Variants in PAX9 observed in about 807,000 individuals in gnomAD.
PAX9 encodes the protein paired box protein Pax-9.
PAX9 carries 6 observed loss-of-function variants against 29.1 expected under a neutral mutation model. The observed-to-expected ratio is 0.21, with a 90% confidence interval of 0.11 to 0.41. The LOEUF (loss-of-function observed/expected upper bound fraction) is 0.41, where lower values mean the gene tolerates loss of function less well. PAX9 is among the 10% of genes least tolerant of loss of function. The pLI, the probability that PAX9 is intolerant of heterozygous loss-of-function variation, is 1.00. For synonymous variants in PAX9, 217 were observed against 211.7 expected (o/e 1.03, Z -0.22); for missense variants, 443 against 479.1 (o/e 0.92, Z 0.70).
chr14:36,662,636 G>A (rs1399762451), intron 1 of PAX9: 2 of 547,052 alleles, frequency 3.7e-6, no homozygotes, highest in Non-Finnish European at 6.5e-6. Context: ...TTGAACGCTC[G>A]GAGAGGCCCG....
At chr14:36,662,249 G>A (rs929361288) in intron 1 of PAX9, among the ~76,000 whole-genome samples, 156 bp downstream of exon 1, 1 of 152,056 alleles carries the variant, frequency 6.6e-6, no homozygotes, top group Non-Finnish European at 1.5e-5. Flanking sequence ...GTAGGAACAC[G>A]CTAAGGGTCA....
At chr14:36,673,932 A>G (rs894323967) in intron 3 of PAX9, among the ~76,000 whole-genome samples, 1 of 152,230 alleles carries the variant, frequency 6.6e-6, no homozygotes, top group African/African-American at 2.4e-5. Flanking sequence ...AGTATAAAAC[A>G]TTAGTCAATG....
chr14:36,661,489 G>A (rs1212217167), upstream of PAX9, among the ~76,000 whole-genome samples: 3 of 152,250 alleles, frequency 2.0e-5, no homozygotes, highest in Non-Finnish European at 4.4e-5. Flanking sequence ...GCACGGTGGC[G>A]CCCGCCTCCC....
Position 36,673,655 on chromosome 14 carries a change from G to A in PAX9, c.772-2543G>A, listed in dbSNP as rs900205804. On this transcript the variant is annotated intron_variant, in intron 3 of 3. Transcript: ENST00000361487. ...GTGTAAGAAAAGGGAAGATGACTAA[G>A]CAAGGATTTCAGAGAGAACTGTAAT... Among the ~76,000 whole-genome samples the A allele has an allele frequency of 3.3e-5, 5 of 152,078 alleles. No individual in the cohort carries two copies. In the South Asian group the frequency reaches 1.0e-3, roughly 32 times the overall value.
rs1213350595 is a variant in PAX9, at chr14:36,679,315, TTTA to T, written c.*2866_*2868del. 1.0e-6 allele frequency: 1 copy of T among 972,804 alleles called. No individual in the cohort carries two copies. The highest frequency in any genetic ancestry group is 1.2e-6 in the Non-Finnish European group (1 of 818,618). 60.3% of individuals were successfully genotyped at this position (972,804 alleles called of 1,614,324 possible). A position where few individuals can be genotyped will look rare whatever the true frequency, so the allele number is the denominator to read the frequency against. ...TGTATATACAGTATGTCAAAAGCCT[TTTA>T]TTTTTATACTTCAAATGCTCTAAAT... On this transcript the variant is annotated 3_prime_UTR_variant, in exon 4 of 4. Coordinates refer to ENST00000361487, the MANE Select transcript of PAX9 (RefSeq NM_001372076.1).
At chr14:36,669,218 T>C (rs1027951912) in intron 3 of PAX9, among the ~76,000 whole-genome samples, 1 of 152,226 alleles carries the variant, frequency 6.6e-6, no homozygotes, top group Admixed American at 6.5e-5. Flanking sequence ...ATTGATTTCA[T>C]GTAAGGTTAA....
At chr14:36,662,632 GCT>G (rs1566466974) in intron 1 of PAX9, 7 of 539,940 alleles carry the variant, frequency 1.3e-5, no homozygotes, top group Non-Finnish European at 6.6e-6. Flanking sequence ...ACTTTTGAAC[GCT>G]CGGAGAGGCC....
chr14:36,674,942 G>C (rs1486170889), intron 3 of PAX9, among the ~76,000 whole-genome samples: 1 of 152,150 alleles, frequency 6.6e-6, no homozygotes, highest in African/African-American at 2.4e-5. Flanking sequence ...TAGTTTTTGA[G>C]ACCGCACCAC....
intron 3 of PAX9, among the ~76,000 whole-genome samples, chr14:36,673,190 A>G (rs139121437): frequency 6.6e-6 from 1 of 152,050 alleles, no homozygotes; most frequent in Non-Finnish European, 1.5e-5. Context: ...GATGAAATCA[A>G]CCATCTCCGA....
At chr14:36,665,880 A>G (rs980221021) in intron 2 of PAX9, 1 of 153,626 alleles carries the variant, frequency 6.5e-6, no homozygotes, top group Non-Finnish European at 1.4e-5. Context: ...CTGTGCATGT[A>G]TATTTTGCAC....
At chr14:36,657,699 G>A (rs1433743713), upstream of PAX9, 1 of 152,214 alleles carries the variant, frequency 6.6e-6, no homozygotes, top group African/African-American at 2.4e-5. Flanking sequence ...TCCGAGCTCG[G>A]GCCCGACCCA....
chr14:36,673,476 G>A (rs542699789), intron 3 of PAX9, among the ~76,000 whole-genome samples: 2 of 151,290 alleles, frequency 1.3e-5, no homozygotes, highest in Admixed American at 6.6e-5. Context: ...CTAAATTCCA[G>A]GAACATTATC....
chr14:36,660,369 T>C (rs1458504254), upstream of PAX9, among the ~76,000 whole-genome samples: 2 of 152,206 alleles, frequency 1.3e-5, no homozygotes, highest in African/African-American at 4.8e-5. Flanking sequence ...TTCAAGTATG[T>C]CTAGTTGTGG....
At position 36,679,350 on chromosome 14, in the gene PAX9, AAAGTAAT is replaced by A. The variant is rs1479827125; in HGVS notation, c.*2901_*2907del. ...TACTTCAAATGCTCTAAATTAATAA[AAAGTAAT>A]AATTACCATGTTATCTTTTACTTTT... On this transcript the variant is annotated 3_prime_UTR_variant, in exon 4 of 4. Transcript: ENST00000361487. 7 of 972,418 alleles carry A rather than the reference AAAGTAAT, an allele frequency of 7.2e-6. No individual in the cohort carries two copies. In the African/African-American group the frequency reaches 1.2e-4, roughly 17 times the overall value. The allele number at this position is 972,418 out of a possible 1,614,324, so 60.2% of individuals were successfully genotyped here. A position where few individuals can be genotyped will look rare whatever the true frequency, so the allele number is the denominator to read the frequency against.
At chr14:36,672,673 A>G (rs1339977657) in intron 3 of PAX9, among the ~76,000 whole-genome samples, 1 of 143,196 alleles carries the variant, frequency 7.0e-6, no homozygotes, top group East Asian at 2.1e-4. Flanking sequence ...CTTCAAAAGT[A>G]AAAAGTAAAA....
chr14:36,663,215 C>A lies in PAX9; in HGVS notation c.323C>A (p.Ala108Glu). The A allele has an allele frequency of 1.2e-6, 2 of 1,614,068 alleles. No individual in the cohort carries two copies. Among genetic ancestry groups the A allele is most frequent in the Non-Finnish European group, 1.7e-6 (2 of 1,180,044 alleles). ...TGGGAGATCCGGGACCGCCTGCTGG[C>A]GGACGGCGTGTGCGACAAGTACAAT... ...FAWEIRDRLLADGVCDKYNVP... is the reference protein window; with the variant it reads ...FAWEIRDRLLEDGVCDKYNVP... Residue 108 changes from alanine to glutamate, a missense_variant, in exon 2 of 4, where the codon GCG (alanine) becomes GAG (glutamate). Ala to Glu is a moderately radical substitution (Grantham distance 107). Around this residue, in one of 2 missense-constraint regions of PAX9, gnomAD observed 107 missense variants for 161.9 expected, o/e 0.66. Transcript: ENST00000361487.
Position 36,678,615 on chromosome 14 carries a change from A to ATTCT in PAX9, c.*2166_*2169dup, listed in dbSNP as rs1433451866. ...AAAAACTGATGTAAGGTACAGAACTATTCTTTATCAAATGTTTTTAGGTGG... is the reference window on the plus strand; with the variant it reads ...AAAAACTGATGTAAGGTACAGAACTATTCTTTCTTTATCAAATGTTTTTAGGTGG... On this transcript the variant is annotated 3_prime_UTR_variant, in exon 4 of 4. Transcript: ENST00000361487. 11 of 1,335,264 alleles carry ATTCT rather than the reference A, an allele frequency of 8.2e-6. No individual in the cohort carries two copies. In the African/African-American group the frequency reaches 1.5e-4, roughly 18 times the overall value. 82.7% of individuals were successfully genotyped at this position (1,335,264 alleles called of 1,614,324 possible). A position where few individuals can be genotyped will look rare whatever the true frequency, so the allele number is the denominator to read the frequency against.
At position 36,677,070 on chromosome 14, in the gene PAX9, G is replaced by C. The variant is rs1881926163; in HGVS notation, c.*618G>C. The C allele has an allele frequency of 6.4e-6, 1 of 157,326 alleles. No homozygotes were observed. The highest frequency in any genetic ancestry group is 1.4e-5 in the Non-Finnish European group (1 of 71,014). 9.7% of individuals were successfully genotyped at this position (157,326 alleles called of 1,614,324 possible). A position where few individuals can be genotyped will look rare whatever the true frequency, so the allele number is the denominator to read the frequency against. On this transcript the variant is annotated 3_prime_UTR_variant, in exon 4 of 4. Transcript: ENST00000361487. ...TAGCTCTCCCTGGTGTTTTGACTTGGTTCCAAATACAATAATGTTTATATT... is the reference window on the plus strand; with the variant it reads ...TAGCTCTCCCTGGTGTTTTGACTTGCTTCCAAATACAATAATGTTTATATT...
chr14:36,666,622 C>A, intron 3 of PAX9, 21 bp downstream of exon 3: 2 of 1,556,754 alleles, frequency 1.3e-6, no homozygotes, highest in Non-Finnish European at 8.7e-7. Context: ...GAGGGTCAGG[C>A]CAGGTGGGCC....
Sources: gnomAD v4.1 joint callset for allele counts (sites outside exome capture counted in the v4.1 genomes callset) on GRCh38, gnomAD v4.1.1 for gene constraint, gnomAD v4.1.1 regional missense constraint, MANE v1.5 for transcripts, NCBI Gene and HGNC (gene_info 2026-07-23, HGNC 2026-07-21) for gene names.